Variants in PSPH observed in about 807,000 individuals in gnomAD.
PSPH encodes phosphoserine phosphatase, also known as L-3-phosphoserine phosphatase.
Under a neutral mutation model 23.4 loss-of-function variants are expected in PSPH, and 16 were observed. That is an observed-to-expected ratio of 0.68 (90% CI 0.46 to 1.04). The LOEUF (loss-of-function observed/expected upper bound fraction) is 1.04, where lower values mean the gene tolerates loss of function less well. Among genes scored for constraint, PSPH ranks in the 50% least tolerant of loss-of-function variants. The pLI, the probability that PSPH is intolerant of heterozygous loss-of-function variation, is 0.00. For synonymous variants in PSPH, 68 were observed against 99.7 expected (o/e 0.68, Z 1.89); for missense variants, 223 against 273.7 (o/e 0.81, Z 1.31).
chr7:56,038,789 TA>T (rs1343849191), intron 1 of PSPH, among the ~76,000 whole-genome samples: 1 of 150,324 alleles, frequency 6.7e-6, no homozygotes, highest in East Asian at 2.0e-4. Context: ...GAGGCTGTGC[TA>T]AGATCACGCC....
intron 1 of PSPH, among the ~76,000 whole-genome samples, chr7:56,038,680 A>G (rs1468765283): frequency 6.6e-6 from 1 of 151,656 alleles, no homozygotes; most frequent in Non-Finnish European, 1.5e-5. Context: ...ACAAAAAATA[A>G]ACAAAATTAG....
At chr7:56,013,480 T>G (rs1270134039) in intron 7 of PSPH, among the ~76,000 whole-genome samples, 1 of 151,590 alleles carries the variant, frequency 6.6e-6, no homozygotes, top group East Asian at 1.9e-4. Flanking sequence ...ATTGCACCAC[T>G]GCACTCCGGC....
At chr7:56,038,291 CAAA>C (rs34887035) in intron 1 of PSPH, among the ~76,000 whole-genome samples, 70 of 127,150 alleles carry the variant, frequency 5.5e-4, no homozygotes, top group East Asian at 7.3e-4. Flanking sequence ...ACAAAAAATA[CAAA>C]AAAAAAAAAA....
chr7:56,025,627 C>T, intron 3 of PSPH, among the ~76,000 whole-genome samples: 1 of 151,914 alleles, frequency 6.6e-6, no homozygotes, highest in South Asian at 2.1e-4. Context: ...CTTGCTCTGT[C>T]ACCCAGGCTG....
At chr7:56,032,248 T>C (rs1045524821) in intron 2 of PSPH, among the ~76,000 whole-genome samples, 194 bp from the exon 3 acceptor site, 2 of 152,162 alleles carry the variant, frequency 1.3e-5, no homozygotes, top group African/African-American at 4.8e-5. Context: ...CATACTCTTC[T>C]ATGGCTTCAA....
chr7:56,018,477 T>C (rs1451528259), intron 5 of PSPH, among the ~76,000 whole-genome samples: 2 of 151,976 alleles, frequency 1.3e-5, no homozygotes, highest in Non-Finnish European at 2.9e-5. Context: ...AGGTTTTCCC[T>C]GGAGAAAGAG....
chr7:56,024,563 T>C (rs1353713530), intron 3 of PSPH, among the ~76,000 whole-genome samples: 1 of 151,892 alleles, frequency 6.6e-6, no homozygotes, highest in Non-Finnish European at 1.5e-5. Context: ...CTGGGCAACA[T>C]ACCAAGACTT....
intron 1 of PSPH, among the ~76,000 whole-genome samples, chr7:56,035,343 T>TA (rs576721312): frequency 2.8e-4 from 42 of 150,670 alleles, no homozygotes; most frequent in Middle Eastern, 3.4e-3. Flanking sequence ...AAACTCCGTT[T>TA]AAAAAAAAAA....
chr7:56,041,673 C>T (rs1201641785), intron 1 of PSPH, among the ~76,000 whole-genome samples: 1 of 151,696 alleles, frequency 6.6e-6, no homozygotes, highest in Non-Finnish European at 1.5e-5. Flanking sequence ...CTTGTAATCC[C>T]AGCACTTTGG....
intron 1 of PSPH, among the ~76,000 whole-genome samples, chr7:56,041,386 T>C (rs1792522230): frequency 6.6e-6 from 1 of 151,744 alleles, no homozygotes; most frequent in Non-Finnish European, 1.5e-5. Context: ...CTAATTTTTG[T>C]ATTTTTAGTA....
chr7:56,041,456 C>T (rs1279100176), intron 1 of PSPH, among the ~76,000 whole-genome samples: 3 of 151,670 alleles, frequency 2.0e-5, no homozygotes, highest in East Asian at 3.9e-4. Flanking sequence ...TGTGATCTGC[C>T]CGCCTAGGCC....
At chr7:56,037,185 A>G (rs1369448508) in intron 1 of PSPH, among the ~76,000 whole-genome samples, 1 of 152,024 alleles carries the variant, frequency 6.6e-6, no homozygotes, top group African/African-American at 2.4e-5. Flanking sequence ...AAAAAAAAAA[A>G]AAAAAGCTTC....
chr7:56,032,167 C>G (rs1791085311), intron 2 of PSPH, 113 bp from the exon 3 acceptor site: 1 of 152,158 alleles, frequency 6.6e-6, no homozygotes, highest in African/African-American at 2.4e-5. Context: ...GGGTCAGAGG[C>G]AAAATTTCCT....
chr7:56,015,050 G>A lies in PSPH; in HGVS notation c.543C>T (p.Ala181=), dbSNP rs774999608. ...CAGGAGGACAGGCTTCCATATCTGT[G>A]GCACCATCTCCAATCATGATTATTT... The part of the protein sequence containing the change: ...FKKIIMIGDG[A]TDMEACPPAD... The change falls in exon 7 of 8, where the codon GCC becomes GCT. Residue 181 remains alanine (A), a synonymous_variant. Transcript: ENST00000275605. 2 of 1,614,016 alleles carry A rather than the reference G, an allele frequency of 1.2e-6. No homozygotes were observed. Among genetic ancestry groups the A allele is most frequent in the Non-Finnish European group, 1.7e-6 (2 of 1,179,986 alleles).
At chr7:56,028,614 C>T (rs1207691937) in intron 3 of PSPH, among the ~76,000 whole-genome samples, 2 of 152,064 alleles carry the variant, frequency 1.3e-5, no homozygotes, top group African/African-American at 4.8e-5. Context: ...GGAGACTGAG[C>T]TGGATTTTAG....
chr7:56,044,332 C>T (rs1163801076), intron 1 of PSPH, among the ~76,000 whole-genome samples: 1 of 152,062 alleles, frequency 6.6e-6, no homozygotes, highest in Non-Finnish European at 1.5e-5. Context: ...AAGGGACAAG[C>T]AAGAGCATTG....
At chr7:56,039,825 G>A (rs1268226119) in intron 1 of PSPH, among the ~76,000 whole-genome samples, 3 of 143,552 alleles carry the variant, frequency 2.1e-5, no homozygotes, top group Non-Finnish European at 4.6e-5. Context: ...ATGGCTGGGC[G>A]CAGTAGCTCA....
rs2117303197 is a variant in PSPH at position 56,051,192 on chromosome 7, A to C, written c.-346T>G. On this transcript the variant is annotated 5_prime_UTR_variant, in exon 1 of 8. In the 5' UTR this introduces an upstream ATG that the reference lacks. Transcript: ENST00000275605. ...ATGACTCTACAAGGGTGAATTTTCA[A>C]ATCTGCCATAGGGGCCTCGGGCCTC... 6.6e-6 allele frequency: 1 copy of C among 152,386 alleles called. No homozygotes were observed. Among genetic ancestry groups the C allele is most frequent in the East Asian group, 1.9e-4 (1 of 5,182 alleles). 9.4% of individuals were successfully genotyped at this position (152,386 alleles called of 1,614,324 possible).
rs56089644 is a variant in PSPH, at chr7:56,026,488, C to CAA, written c.-19-5259_-19-5258dup. 4.6e-3 allele frequency among the ~76,000 whole-genome samples: 319 copies of CAA among 70,018 alleles called. 6 individuals carry two copies. In the East Asian group the frequency reaches 0.067, roughly 15 times the overall value. 45.9% of individuals were successfully genotyped at this position (70,018 alleles called of 152,430 possible). ...TGGGTGACAGAGCGAGACTCCATCT[C>CAA]AAAAAAAAAAAAAAAAAAAAAAGAA... On this transcript the variant is annotated intron_variant, in intron 3 of 7. Coordinates refer to ENST00000275605, the MANE Select transcript of PSPH (RefSeq NM_004577.4).
Sources: allele counts gnomAD v4.1 joint callset (sites outside exome capture counted in the v4.1 genomes callset), GRCh38; gene constraint gnomAD v4.1.1; transcripts MANE v1.5; gene names NCBI Gene and HGNC (gene_info 2026-07-23, HGNC 2026-07-21).